PCDHGA8: variants seen among roughly 807,000 people sequenced by gnomAD.
PCDHGA8 encodes the protein protocadherin gamma subfamily A, 8, also known as protocadherin gamma-A8.
A neutral mutation model predicts 59.2 loss-of-function variants in PCDHGA8; 45 were observed. That is an observed-to-expected ratio of 0.76 (90% confidence interval 0.60 to 0.98). The LOEUF (loss-of-function observed/expected upper bound fraction) is 0.98. PCDHGA8 is among the 50% of genes least tolerant of loss of function. The pLI is 0.00. For missense variants in PCDHGA8, 1,257 were observed against 1,196.2 expected (o/e 1.05, Z -0.75); for synonymous variants, 531 against 519.0 (o/e 1.02, Z -0.32).
chr5:141,425,248 G>T (rs954872490), intron 1 of PCDHGA8, among the ~76,000 whole-genome samples: 2 of 152,178 alleles, frequency 1.3e-5, no homozygotes, highest in Admixed American at 1.3e-4. Context: ...AAAAGGATAT[G>T]AGGTATTTGG....
At chr5:141,419,172 T>A in intron 1 of PCDHGA8, 1 of 1,613,914 alleles carries the variant, frequency 6.2e-7, no homozygotes, top group Non-Finnish European at 8.5e-7. Context: ...AGCAAAACCA[T>A]AACCCTGCAC....
chr5:141,486,985 T>C lies in PCDHGA8; in HGVS notation c.2425-7822T>C. On this transcript the variant is annotated intron_variant, in intron 1 of 3. Coordinates refer to ENST00000398604, the MANE Select transcript of PCDHGA8 (RefSeq NM_032088.2). The surrounding 1 kb of genome is among the most constrained non-coding windows in gnomAD (Gnocchi z 5.0). ...TGGACTTGGATTCAGGTTACAATGC[T>C]TGGGTTTCCTATCAGCTCCTGGAGG... 1 of 1,614,208 alleles carries C rather than the reference T, an allele frequency of 6.2e-7. No individual in the cohort carries two copies. The highest frequency in any genetic ancestry group is 8.5e-7 in the Non-Finnish European group (1 of 1,180,040).
chr5:141,427,973 C>T (rs754410723), intron 1 of PCDHGA8: 3 of 1,594,054 alleles, frequency 1.9e-6, no homozygotes, highest in Non-Finnish European at 2.6e-6. Context: ...TGCTGTACCC[C>T]GCGCTGGGGC....
chr5:141,393,056 C>A lies in PCDHGA8; in HGVS notation c.243C>A (p.Ser81Arg). ...AGCTCTTTGCTCTGAACCCGCGCAGCGGCAGCTTGATCACCGCGGGCAGGA... is the reference window on the plus strand; with the variant it reads ...AGCTCTTTGCTCTGAACCCGCGCAGAGGCAGCTTGATCACCGCGGGCAGGA... ...RTQLFALNPR[S>R]GSLITAGRID... The change falls in exon 1 of 4, where the codon AGC (serine) becomes AGA (arginine). Residue 81 changes from serine to arginine, a missense_variant. Ser to Arg is a moderately radical substitution (Grantham distance 110). Transcript: ENST00000398604. 1 of 1,613,606 alleles carries A rather than the reference C, an allele frequency of 6.2e-7. No homozygotes were observed. Among genetic ancestry groups the A allele is most frequent in the Non-Finnish European group, 8.5e-7 (1 of 1,179,876 alleles).
At chr5:141,492,933 A>G (rs935580560) in intron 1 of PCDHGA8, among the ~76,000 whole-genome samples, 3 of 152,194 alleles carry the variant, frequency 2.0e-5, no homozygotes, top group Admixed American at 6.5e-5. Flanking sequence ...CTAGGGTCAG[A>G]GATTTGGAGG....
rs888457230 is a variant in PCDHGA8, at chr5:141,493,727, C to T, written c.2425-1080C>T. On this transcript the variant is annotated intron_variant, in intron 1 of 3. Transcript: ENST00000398604. This position sits in a 1 kb window ranked among gnomAD's most constrained non-coding sequence, Gnocchi z 4.3. ...TGGAATGCTAGGTTTCTGGGTTCTG[C>T]TCATATCACTGCCACCTGTGAGCCT... Among the ~76,000 whole-genome samples, 2 of 152,184 alleles carry T rather than the reference C, an allele frequency of 1.3e-5. No homozygotes were observed. Among genetic ancestry groups the T allele is most frequent in the Admixed American group, 6.5e-5 (1 of 15,280 alleles).
At chr5:141,403,452 T>C (rs1482278011) in intron 1 of PCDHGA8, 15 of 1,613,988 alleles carry the variant, frequency 9.3e-6, no homozygotes, top group Non-Finnish European at 1.3e-5. Flanking sequence ...GTGAACTCCC[T>C]CCAGAGCTAC....
At chr5:141,420,474 C>T in intron 1 of PCDHGA8, 1 of 677,328 alleles carries the variant, frequency 1.5e-6, no homozygotes, top group Non-Finnish European at 2.1e-6. Context: ...CATTTTAAAG[C>T]AAACTACATG....
intron 1 of PCDHGA8, among the ~76,000 whole-genome samples, chr5:141,472,994 A>AAAAG (rs1425445230): frequency 1.3e-5 from 2 of 151,692 alleles, no homozygotes; most frequent in Non-Finnish European, 2.9e-5. Context: ...AAAAAAAAAA[A>AAAAG]AAAGAAAGAA....
In PCDHGA8 at chr5:141,415,516, G is replaced by T. The variant is rs199990575; in HGVS notation, c.2424+20279G>T. The T allele has an allele frequency of 1.9e-6, 3 of 1,614,220 alleles. No individual in the cohort carries two copies. In the African/African-American group the frequency reaches 4.0e-5, roughly 22 times the overall value. ...GATCTTCCCCCAGCCCAATTATGCG[G>T]ACACGCTCATCAGCCAGGAGAGCTG... On this transcript the variant is annotated intron_variant, in intron 1 of 3. Coordinates refer to ENST00000398604, the MANE Select transcript of PCDHGA8 (RefSeq NM_032088.2).
chr5:141,478,418 C>A, intron 1 of PCDHGA8: 1 of 1,613,650 alleles, frequency 6.2e-7, no homozygotes, highest in Non-Finnish European at 8.5e-7. Context: ...GGACTCCCGC[C>A]GCAGCGACCC....
At chr5:141,421,306 T>C (rs1356157966) in intron 1 of PCDHGA8, 1 of 1,613,564 alleles carries the variant, frequency 6.2e-7, no homozygotes, top group South Asian at 1.1e-5. Context: ...GCTGCGGGGG[T>C]TCCGGGCCAG....
Position 141,410,620 on chromosome 5 carries a change from G to A in PCDHGA8, c.2424+15383G>A, listed in dbSNP as rs765125633. 4 of 1,603,524 alleles carry A rather than the reference G, an allele frequency of 2.5e-6. No homozygotes were observed. In the South Asian group the frequency reaches 3.3e-5, roughly 13 times the overall value. On this transcript the variant is annotated intron_variant, in intron 1 of 3. Coordinates refer to ENST00000398604, the MANE Select transcript of PCDHGA8 (RefSeq NM_032088.2). The stretch of plus-strand genomic sequence containing the variant: ...CTTCACATCCTGAGACTCTGACTTC[G>A]GTGAGTTTCTCTTTTTTGTGTGTGA...
At chr5:141,427,889 G>C in intron 1 of PCDHGA8, 1 of 1,566,516 alleles carries the variant, frequency 6.4e-7, no homozygotes, top group South Asian at 1.1e-5. Flanking sequence ...CCCACGACCA[G>C]GGCTCGCCCG....
At chr5:141,454,567 C>T (rs572130062) in intron 1 of PCDHGA8, among the ~76,000 whole-genome samples, 10 of 150,966 alleles carry the variant, frequency 6.6e-5, no homozygotes, top group South Asian at 2.1e-4. Context: ...CCACCACGCC[C>T]GGCTAATTTT....
In PCDHGA8 at chr5:141,477,967, C is replaced by T. The variant is rs756216038; in HGVS notation, c.2425-16840C>T. Reference sequence around the variant, plus strand: ...GTCTCTTGGGATCCCCTAACCAGAGCCTTTTTGCCATAGGGCTGCACACTG... The same window carrying T: ...GTCTCTTGGGATCCCCTAACCAGAGTCTTTTTGCCATAGGGCTGCACACTG... On this transcript the variant is annotated intron_variant, in intron 1 of 3. Coordinates refer to ENST00000398604, the MANE Select transcript of PCDHGA8 (RefSeq NM_032088.2). This position sits in a 1 kb window ranked among gnomAD's most constrained non-coding sequence, Gnocchi z 4.9. The T allele has an allele frequency of 8.7e-6, 14 of 1,614,032 alleles. No individual in the cohort carries two copies. In the South Asian group the frequency reaches 1.2e-4, roughly 14 times the overall value.
chr5:141,409,522 G>A (rs371017853), intron 1 of PCDHGA8: 30 of 1,613,874 alleles, frequency 1.9e-5, no homozygotes, highest in Non-Finnish European at 2.3e-5. Flanking sequence ...GCATCACCTT[G>A]TATGTCGCTG....
At chr5:141,458,662 C>A (rs948275548) in intron 1 of PCDHGA8, among the ~76,000 whole-genome samples, 2 of 152,064 alleles carry the variant, frequency 1.3e-5, no homozygotes, top group Non-Finnish European at 2.9e-5. Flanking sequence ...CTCCACCTCT[C>A]GGGTTCAAGC....
At chr5:141,449,101 G>A (rs1020443363) in intron 1 of PCDHGA8, among the ~76,000 whole-genome samples, 2 of 152,144 alleles carry the variant, frequency 1.3e-5, no homozygotes, top group African/African-American at 2.4e-5. Flanking sequence ...TACATATGCA[G>A]TATATCTTTG....
Sources: allele counts gnomAD v4.1 joint callset (sites outside exome capture counted in the v4.1 genomes callset), GRCh38; gene constraint gnomAD v4.1.1; non-coding constraint Gnocchi (gnomAD v3.1); transcripts MANE v1.5; gene names NCBI Gene and HGNC (gene_info 2026-07-23, HGNC 2026-07-21).